ANKRD28: variants seen among roughly 807,000 people sequenced by gnomAD.
ANKRD28 encodes ankyrin repeat domain 28.
ANKRD28 carries 44 observed loss-of-function variants against 126.5 expected under a neutral mutation model. The ratio of observed to expected loss-of-function variants is 0.35; its 90% confidence interval spans 0.27 to 0.45. ANKRD28 has a LOEUF of 0.45. ANKRD28 is among the 20% of genes least tolerant of loss of function. ANKRD28 has a pLI of 1.00. For missense variants in ANKRD28, 1,110 were observed against 1,316.6 expected (o/e 0.84, Z 2.43); for synonymous variants, 442 against 468.5 (o/e 0.94, Z 0.73).
At chr3:15,721,716 A>C (rs1278147459) in intron 7 of ANKRD28, among the ~76,000 whole-genome samples, 1 of 152,214 alleles carries the variant, frequency 6.6e-6, no homozygotes, top group East Asian at 1.9e-4. Flanking sequence ...TATGCTCAAA[A>C]ATGAGAAACA....
intron 8 of ANKRD28, among the ~76,000 whole-genome samples, chr3:15,718,868 CCTAA>C (rs1173731734): frequency 2.6e-5 from 4 of 152,126 alleles, no homozygotes; most frequent in South Asian, 2.1e-4. Flanking sequence ...TTTGAAATAG[CCTAA>C]CTTTCATTAA....
chr3:15,850,224 T>TATATATATATATAGAGAGAGAGAG (rs1418223588), intron 1 of ANKRD28, among the ~76,000 whole-genome samples: 10 of 35,102 alleles, frequency 2.8e-4, no homozygotes, highest in Non-Finnish European at 5.4e-4. Flanking sequence ...TATATATATA[T>TATATATATATATAGAGAGAGAGAG]AGAGAGAGAG....
chr3:15,783,143 T>C (rs2059613561), intron 2 of ANKRD28, among the ~76,000 whole-genome samples: 1 of 151,242 alleles, frequency 6.6e-6, no homozygotes, highest in African/African-American at 2.4e-5. Flanking sequence ...AGAATGAAAA[T>C]ACAGCCACAG....
Position 15,676,141 on chromosome 3 carries a change from G to A in ANKRD28, c.2874-152C>T, listed in dbSNP as rs140327002. 5 of 526,970 alleles carry A rather than the reference G, an allele frequency of 9.5e-6. No homozygotes were observed. The East Asian group carries it at 1.5e-4, about 16-fold the overall frequency. The allele number at this position is 526,970 out of a possible 1,614,324, so 32.6% of individuals were successfully genotyped here. On this transcript the variant is annotated intron_variant, in intron 26 of 27. Transcript: ENST00000683139. ...AGTCCTAATAACAAAGATGGGGGCA[G>A]GGAGAGCAGAACCTCTGTGCAGTGC...
intron 13 of ANKRD28, 84 bp from the exon 14 acceptor site, chr3:15,708,148 C>G: frequency 7.0e-7 from 1 of 1,430,860 alleles, no homozygotes; most frequent in South Asian, 1.3e-5. Context: ...TTACTCCTCC[C>G]AGTTACAAAT....
At position 15,849,876 on chromosome 3, in the gene ANKRD28, T is replaced by C. The variant is rs150726487; in HGVS notation, c.27+9501A>G. Among the ~76,000 whole-genome samples, 8 of 152,210 alleles carry C rather than the reference T, an allele frequency of 5.3e-5. No individual in the cohort carries two copies. The East Asian group carries it at 1.4e-3, about 26-fold the overall frequency. On this transcript the variant is annotated intron_variant, in intron 1 of 27. Transcript: ENST00000399451. ...CATGTATACGGAAAACTTATTAAAT[T>C]TGTATATTTTTCTCTTGTTAATCTG...
chr3:15,681,841 G>A (rs906044738), intron 21 of ANKRD28, among the ~76,000 whole-genome samples: 3 of 152,138 alleles, frequency 2.0e-5, no homozygotes, highest in African/African-American at 7.2e-5. Context: ...GCATCTAGTG[G>A]GTAGAAACCA....
At chr3:15,678,430 G>T in intron 23 of ANKRD28, 76 bp from the exon 24 acceptor site, 1 of 1,402,642 alleles carries the variant, frequency 7.1e-7, no homozygotes, top group Non-Finnish European at 9.6e-7. Context: ...TTTAATTTGT[G>T]ACATGCTGTT....
intron 2 of ANKRD28, among the ~76,000 whole-genome samples, chr3:15,779,507 T>C (rs934019263): frequency 1.3e-5 from 2 of 152,160 alleles, no homozygotes; most frequent in Non-Finnish European, 2.9e-5. Context: ...GGGCAGACAA[T>C]ATGGACAAAA....
chr3:15,822,752 G>A (rs1430048627), intron 1 of ANKRD28, among the ~76,000 whole-genome samples: 1 of 151,676 alleles, frequency 6.6e-6, no homozygotes, highest in Non-Finnish European at 1.5e-5. Context: ...GAATATTGAT[G>A]TTAAAAAATA....
intron 4 of ANKRD28, among the ~76,000 whole-genome samples, chr3:15,741,542 CTAAG>C (rs2075473517): frequency 6.6e-6 from 1 of 151,644 alleles, no homozygotes; most frequent in Non-Finnish European, 1.5e-5. Context: ...TTTTTAAAAG[CTAAG>C]TAAACATTCC....
At chr3:15,710,851 C>T (rs1559382801) in intron 12 of ANKRD28, among the ~76,000 whole-genome samples, 1 of 151,980 alleles carries the variant, frequency 6.6e-6, no homozygotes, top group Non-Finnish European at 1.5e-5. Flanking sequence ...AAAAAATTAA[C>T]AAATCTACTT....
intron 4 of ANKRD28, among the ~76,000 whole-genome samples, chr3:15,744,915 AT>A (rs1559458080): frequency 6.6e-6 from 1 of 151,120 alleles, no homozygotes; most frequent in East Asian, 1.9e-4. Context: ...TTATTTTTTC[AT>A]TTTTTTGACT....
chr3:15,802,738 C>T (rs2060488803), upstream of ANKRD28, among the ~76,000 whole-genome samples: 1 of 152,176 alleles, frequency 6.6e-6, no homozygotes, highest in Non-Finnish European at 1.5e-5. Flanking sequence ...TCTTCAGCCA[C>T]CATTTTGGTG....
chr3:15,784,176 G>A (rs1352208180), intron 2 of ANKRD28, among the ~76,000 whole-genome samples: 1 of 151,858 alleles, frequency 6.6e-6, no homozygotes, highest in Non-Finnish European at 1.5e-5. Flanking sequence ...AAATGTTATA[G>A]TCAGAAACTC....
At chr3:15,825,941 T>C (rs1310712504) in intron 1 of ANKRD28, among the ~76,000 whole-genome samples, 1 of 152,122 alleles carries the variant, frequency 6.6e-6, no homozygotes, top group African/African-American at 2.4e-5. Context: ...CTAAAATAAT[T>C]ATCGGCAAGT....
At chr3:15,699,599 G>A (rs1448362863) in intron 14 of ANKRD28, among the ~76,000 whole-genome samples, 1 of 152,160 alleles carries the variant, frequency 6.6e-6, no homozygotes, top group East Asian at 1.9e-4. Context: ...CTTCTCAAAA[G>A]ATGACATTTA....
At chr3:15,856,627 C>T (rs928239709) in intron 1 of ANKRD28, among the ~76,000 whole-genome samples, 8 of 152,204 alleles carry the variant, frequency 5.3e-5, no homozygotes, top group Middle Eastern at 3.2e-3. Flanking sequence ...TTCATCTACT[C>T]ACAGTCAGAA....
At chr3:15,718,240 G>A (rs907068899) in intron 8 of ANKRD28, among the ~76,000 whole-genome samples, 12 of 152,080 alleles carry the variant, frequency 7.9e-5, no homozygotes, top group African/African-American at 2.9e-4. Flanking sequence ...TAAAATAATT[G>A]GACAATTGCA....
Sources: allele counts gnomAD v4.1 joint callset (sites outside exome capture counted in the v4.1 genomes callset), GRCh38; gene constraint gnomAD v4.1.1; transcripts MANE v1.5; gene names NCBI Gene and HGNC (gene_info 2026-07-23, HGNC 2026-07-21).